PIEZO2: variants seen among roughly 807,000 people sequenced by gnomAD.
The protein encoded by PIEZO2 is piezo-type mechanosensitive ion channel component 2.
PIEZO2 carries 172 observed loss-of-function variants against 337.3 expected under a neutral mutation model. The observed-to-expected ratio is 0.51, with a 90% CI of 0.45 to 0.58. PIEZO2 has a LOEUF of 0.58. Ranked by LOEUF, PIEZO2 falls within the 20% of genes least tolerant of loss-of-function variation. The pLI, the probability that PIEZO2 is intolerant of heterozygous loss-of-function variation, is 0.00. For missense variants in PIEZO2, 3,028 were observed against 3,391.3 expected (o/e 0.89, Z 2.66); for synonymous variants, 1,251 against 1,228.5 (o/e 1.02, Z -0.38).
Position 10,797,389 on chromosome 18 carries a change from G to T in PIEZO2, c.1512C>A (p.Ala504=), listed in dbSNP as rs1385501963. The change falls in exon 12 of 56, where the codon GCC becomes GCA. Residue 504 remains alanine, a synonymous_variant. Coordinates refer to ENST00000674853, the MANE Select transcript of PIEZO2 (RefSeq NM_001378183.1). ...QFIMKQSYIC[A]LIAMMAWSIT... ...TCATACATACCATCATAGCTATGAG[G>T]GCACAGATGTAACTTTGTTTCATAA... 1 of 1,536,638 alleles carries T rather than the reference G, an allele frequency of 6.5e-7. No individual in the cohort carries two copies. Among genetic ancestry groups the T allele is most frequent in the East Asian group, 2.4e-5 (1 of 40,866 alleles).
At chr18:11,050,792 C>CTATATATATATATATATATTATA (rs528083260) in intron 2 of PIEZO2, among the ~76,000 whole-genome samples, 49 of 143,866 alleles carry the variant, frequency 3.4e-4, no homozygotes, top group African/African-American at 1.2e-3. Context: ...TCCTAAAAAA[C>CTATATATATATATATATATTATA]TATATATATA....
At chr18:10,835,613 G>A (rs1036437484) in intron 7 of PIEZO2, among the ~76,000 whole-genome samples, 5 of 150,666 alleles carry the variant, frequency 3.3e-5, no homozygotes, top group Non-Finnish European at 5.9e-5. Context: ...GCGCGATCTC[G>A]GTTCACTGCT....
chr18:10,681,027 A>G (rs1191778910), intron 51 of PIEZO2, among the ~76,000 whole-genome samples: 1 of 152,228 alleles, frequency 6.6e-6, no homozygotes, highest in East Asian at 1.9e-4. Context: ...AATTTTAAAA[A>G]TAATAGCCTT....
At chr18:10,817,337 G>C (rs1426026153) in intron 7 of PIEZO2, among the ~76,000 whole-genome samples, 1 of 152,142 alleles carries the variant, frequency 6.6e-6, no homozygotes, top group Non-Finnish European at 1.5e-5. Flanking sequence ...TCTATTAAAA[G>C]TTGTTTGAGG....
intron 3 of PIEZO2, among the ~76,000 whole-genome samples, chr18:10,941,372 A>G (rs2032718213): frequency 6.6e-6 from 1 of 152,196 alleles, no homozygotes; most frequent in African/African-American, 2.4e-5. Context: ...CCAAGTAGAC[A>G]GTACAAATGA....
chr18:11,048,754 C>T lies in PIEZO2; in HGVS notation c.160+17373G>A, dbSNP rs190207610. Reference sequence around the variant, plus strand: ...AACATAAATAATACTATACCTGTCTCATGGGTATGGAAGCATTAAATGAAT... The same window carrying T: ...AACATAAATAATACTATACCTGTCTTATGGGTATGGAAGCATTAAATGAAT... On this transcript the variant is annotated intron_variant, in intron 2 of 55. Transcript: ENST00000674853. This position sits in a 1 kb window ranked among gnomAD's most constrained non-coding sequence, Gnocchi z 4.5. Among the ~76,000 whole-genome samples the T allele has an allele frequency of 6.6e-6, 1 of 152,318 alleles. No homozygotes were observed. Among genetic ancestry groups the T allele is most frequent in the African/African-American group, 2.4e-5 (1 of 41,588 alleles).
chr18:10,820,078 TTTTA>T (rs1360158384), intron 7 of PIEZO2, among the ~76,000 whole-genome samples: 1 of 152,206 alleles, frequency 6.6e-6, no homozygotes, highest in African/African-American at 2.4e-5. Flanking sequence ...TAATGTGTCT[TTTTA>T]TTTGACTGTT....
chr18:10,670,269 T>C lies in PIEZO2; in HGVS notation c.*1258A>G, dbSNP rs1213630361. 6.6e-6 allele frequency: 1 copy of C among 152,206 alleles called. No homozygotes were observed. The highest frequency in any genetic ancestry group is 1.5e-5 in the Non-Finnish European group (1 of 68,010). 9.4% of individuals were successfully genotyped at this position (152,206 alleles called of 1,614,324 possible). On this transcript the variant is annotated 3_prime_UTR_variant, in exon 56 of 56. Transcript: ENST00000674853. ...AAATGACTTTGCAGGATGTGCTTTA[T>C]TTTAAGTCAGCCCTGAACCCAAACT...
intron 2 of PIEZO2, among the ~76,000 whole-genome samples, chr18:10,995,072 C>G (rs1205393813): frequency 5.6e-5 from 2 of 35,910 alleles, no homozygotes; most frequent in African/African-American, 3.1e-4. Flanking sequence ...AGTGAGACTC[C>G]GTCTCAAAAA....
rs114359480 is a variant in PIEZO2 at position 10,877,755 on chromosome 18, G to C, written c.330-6340C>G. On this transcript the variant is annotated intron_variant, in intron 4 of 55. Coordinates refer to ENST00000674853, the MANE Select transcript of PIEZO2 (RefSeq NM_001378183.1). The surrounding 1 kb of genome is among the most constrained non-coding windows in gnomAD (Gnocchi z 5.3). ...GCCTCCACATTAATATCAGAGTTTA[G>C]TTTTTAGCAGCATAAAGCTGATCAT... 0.014 allele frequency among the ~76,000 whole-genome samples: 2,059 copies of C among 152,198 alleles called. 53 individuals carry two copies. Among genetic ancestry groups the C allele is most frequent in the African/African-American group, 0.047 (1,970 of 41,502 alleles).
rs182110143 is a variant in PIEZO2 at position 11,054,324 on chromosome 18, A to G, written c.160+11803T>C. Among the ~76,000 whole-genome samples the G allele has an allele frequency of 3.9e-5, 6 of 152,344 alleles. No homozygotes were observed. The East Asian group carries it at 1.2e-3, about 29-fold the overall frequency. On this transcript the variant is annotated intron_variant, in intron 2 of 55. Coordinates refer to ENST00000674853, the MANE Select transcript of PIEZO2 (RefSeq NM_001378183.1). Reference sequence around the variant, plus strand: ...ATCTAAAAGCCAAATCCCATGGCTTATGATATCCTAAGCTTCTGTCTCCAG... The same window carrying G: ...ATCTAAAAGCCAAATCCCATGGCTTGTGATATCCTAAGCTTCTGTCTCCAG...
chr18:10,757,940 GC>G, intron 27 of PIEZO2, 28 bp downstream of exon 27: 1 of 1,516,394 alleles, frequency 6.6e-7, no homozygotes, highest in Non-Finnish European at 8.8e-7. Context: ...CATCAAAGTG[GC>G]TTTTAGCAAA....
At chr18:11,088,738 G>T (rs1234256744) in intron 1 of PIEZO2, among the ~76,000 whole-genome samples, 1 of 152,168 alleles carries the variant, frequency 6.6e-6, no homozygotes, top group Admixed American at 6.5e-5. Context: ...GCAACCATTA[G>T]CACCCTATCT....
chr18:10,818,515 G>C (rs1362947617), intron 7 of PIEZO2, among the ~76,000 whole-genome samples: 1 of 152,150 alleles, frequency 6.6e-6, no homozygotes, highest in Non-Finnish European at 1.5e-5. Flanking sequence ...GCCTTAAATA[G>C]CTATTTGTGT....
chr18:10,769,990 G>A (rs1280738475), intron 21 of PIEZO2, 158 bp downstream of exon 21: 1 of 739,506 alleles, frequency 1.4e-6, no homozygotes, highest in African/African-American at 1.8e-5. Flanking sequence ...CAGTGCTGCT[G>A]ACCCTCGGAT....
In PIEZO2 at chr18:10,748,962, A is replaced by G. The variant is rs144644507; in HGVS notation, c.4265-332T>C. 3.5e-4 allele frequency among the ~76,000 whole-genome samples: 53 copies of G among 152,248 alleles called. No individual in the cohort carries two copies. The East Asian group carries it at 6.2e-3, about 18-fold the overall frequency. The stretch of plus-strand genomic sequence containing the variant: ...CACAGAGAAATAATGTCCCAGTGCC[A>G]GTGGAAATGCTCTTATACAAAAGAA... On this transcript the variant is annotated intron_variant, in intron 29 of 55. Coordinates refer to ENST00000674853, the MANE Select transcript of PIEZO2 (RefSeq NM_001378183.1). This position sits in a 1 kb window ranked among gnomAD's most constrained non-coding sequence, Gnocchi z 5.1.
At chr18:11,103,574 C>T (rs2039477545) in intron 1 of PIEZO2, among the ~76,000 whole-genome samples, 1 of 152,176 alleles carries the variant, frequency 6.6e-6, no homozygotes, top group African/African-American at 2.4e-5. Flanking sequence ...CCTTTTATAA[C>T]AATCCCTTTA....
chr18:11,023,460 C>G (rs113112802), intron 2 of PIEZO2, among the ~76,000 whole-genome samples: 8,809 of 152,218 alleles, frequency 0.058, 785 homozygotes, highest in African/African-American at 0.19. Flanking sequence ...CTAGACACAG[C>G]GTGCTGATTG....
At chr18:11,020,258 C>G (rs1386312738) in intron 2 of PIEZO2, among the ~76,000 whole-genome samples, 2 of 152,076 alleles carry the variant, frequency 1.3e-5, no homozygotes, top group African/African-American at 4.8e-5. Flanking sequence ...GACCTCAGCC[C>G]TTGTCTGTCT....
Sources: allele counts gnomAD v4.1 joint callset (sites outside exome capture counted in the v4.1 genomes callset), GRCh38; gene constraint gnomAD v4.1.1; non-coding constraint Gnocchi (gnomAD v3.1); transcripts MANE v1.5; gene names NCBI Gene and HGNC (gene_info 2026-07-23, HGNC 2026-07-21).